AMT: variants seen among roughly 807,000 people sequenced by gnomAD.
The protein encoded by AMT is aminomethyltransferase, mitochondrial.
In AMT, 24 loss-of-function variants were observed where a neutral mutation model predicts 39.5. The observed-to-expected ratio is 0.61, with a 90% CI of 0.44 to 0.86. AMT has a LOEUF of 0.86. Ranked by LOEUF, AMT falls within the 40% of genes least tolerant of loss-of-function variation. AMT has a pLI of 0.00. For missense variants in AMT, 501 were observed against 537.0 expected, an observed-to-expected ratio of 0.93 and a Z score of 0.66; for synonymous variants, 210 against 212.1, an observed-to-expected ratio of 0.99 and a Z score of 0.09.
Position 49,420,295 on chromosome 3 carries a change from G to C in AMT, c.387C>G (p.Asp129Glu). 2 of 1,614,206 alleles carry C rather than the reference G, an allele frequency of 1.2e-6. No homozygotes were observed. The highest frequency in any genetic ancestry group is 1.7e-6 in the Non-Finnish European group (2 of 1,180,032). ...FTNEAGGILD[D>E]LIVTNTSEGH... ...CCTCAGAAGTATTGGTTACAATCAAGTCATCTAAGATGCCTCCAGCCTCGT... is the reference window on the plus strand; with the variant it reads ...CCTCAGAAGTATTGGTTACAATCAACTCATCTAAGATGCCTCCAGCCTCGT... Residue 129 changes from aspartate to glutamate, a missense_variant, in exon 4 of 9, where the codon GAC becomes GAG. Transcript: ENST00000273588.
At position 49,420,197 on chromosome 3, in the gene AMT, C is replaced by T. The variant is rs1314089936; in HGVS notation, c.471+14G>A. 6.2e-7 allele frequency: 1 copy of T among 1,614,056 alleles called. No homozygotes were observed. The highest frequency in any genetic ancestry group is 1.3e-5 in the African/African-American group (1 of 74,932). On this transcript the variant is annotated intron_variant, in intron 4 of 8. Coordinates refer to ENST00000273588, the MANE Select transcript of AMT (RefSeq NM_000481.4). ...CAAGGAAGACAAGGTGTCTAGAACA[C>T]AGAGGGGGTATACCTGCATGAGGGC...
In AMT at chr3:49,417,149, C is replaced by T. The variant is rs1207327657; in HGVS notation, c.*391G>A. On this transcript the variant is annotated 3_prime_UTR_variant, in exon 9 of 9. Coordinates refer to ENST00000273588, the MANE Select transcript of AMT (RefSeq NM_000481.4). ...GCACTGCCCATGTTATTACCCTTTG[C>T]AATGTGAAAAACCATGGTGAGGTAG... is the stretch of plus-strand genomic sequence containing the variant. The T allele has an allele frequency of 1.1e-6, 1 of 949,220 alleles. No homozygotes were observed. Among genetic ancestry groups the T allele is most frequent in the Non-Finnish European group, 1.6e-6 (1 of 611,326 alleles). 58.8% of individuals were successfully genotyped at this position (949,220 alleles called of 1,614,324 possible).
Position 49,419,703 on chromosome 3 carries a change from C to T in AMT, c.550+7G>A, listed in dbSNP as rs755478633. ...GGTTGGCTCCAACCCCAGCCCAGCC[C>T]TCTCACCTTGCAGAGCTAGCAGGGC... On this transcript the variant is annotated splice_region_variant and intron_variant, in intron 5 of 8. Coordinates refer to ENST00000273588, the MANE Select transcript of AMT (RefSeq NM_000481.4). The T allele has an allele frequency of 8.1e-6, 13 of 1,614,154 alleles. No homozygotes were observed. The highest frequency in any genetic ancestry group is 1.0e-5 in the Non-Finnish European group (12 of 1,179,974).
chr3:49,417,515 G>A lies in AMT; in HGVS notation c.*25C>T, dbSNP rs2049018162. On this transcript the variant is annotated 3_prime_UTR_variant, in exon 9 of 9. Transcript: ENST00000273588. ...CCTTGTAGGGGCAAAACTCCTGGAA[G>A]GGACAGCCCCACCCTGAGCCAGCTT... 6.2e-7 allele frequency: 1 copy of A among 1,614,180 alleles called. No homozygotes were observed. The highest frequency in any genetic ancestry group is 8.5e-7 in the Non-Finnish European group (1 of 1,180,032).
intron 7 of AMT, chr3:49,418,442 A>G (rs2107930241): frequency 4.8e-6 from 1 of 209,618 alleles, no homozygotes; most frequent in South Asian, 7.0e-5. Flanking sequence ...TGGCCTCCCA[A>G]AGTGCTGGGA....
chr3:49,419,074 C>T lies in AMT; in HGVS notation c.774G>A (p.Leu258=), dbSNP rs756652661. The T allele has an allele frequency of 6.2e-7, 1 of 1,614,154 alleles. No individual in the cohort carries two copies. Among genetic ancestry groups the T allele is most frequent in the East Asian group, 2.2e-5 (1 of 44,876 alleles). The stretch of plus-strand genomic sequence containing the variant: ...CCAGGCGCAGGCTGTCCCTGGCTGC[C>T]AGCCCTGCCAGCTTCACCTCTGGGT... ...LKNPEVKLAG[L]AARDSLRLEA... The change falls in exon 7 of 9, where the codon CTG becomes CTA. Residue 258 remains leucine, a synonymous_variant. Transcript: ENST00000273588.
chr3:49,419,018 A>G lies in AMT; in HGVS notation c.830T>C (p.Ile277Thr), dbSNP rs1052014497. The change falls in exon 7 of 9, where the codon ATT becomes ACT. Residue 277 changes from isoleucine to threonine, a missense_variant. Ile to Thr is a moderately conservative substitution (Grantham distance 89). Transcript: ENST00000273588. Reference protein sequence around the residue: ...EAGLCLYGNDIDEHTTPVEGS... With the variant: ...EAGLCLYGNDTDEHTTPVEGS... ...CTCCACAGGTGTAGTGTGTTCATCAATGTCATTCCCATACAGGCAGAGGCC... is the reference window on the plus strand; with the variant it reads ...CTCCACAGGTGTAGTGTGTTCATCAGTGTCATTCCCATACAGGCAGAGGCC... 6.2e-6 allele frequency: 10 copies of G among 1,613,744 alleles called. No individual in the cohort carries two copies. Among genetic ancestry groups the G allele is most frequent in the Admixed American group, 3.3e-5 (2 of 59,978 alleles).
At position 49,419,332 on chromosome 3, in the gene AMT, A is replaced by G; in HGVS notation, c.624T>C (p.Ala208=). 1 of 1,614,204 alleles carries G rather than the reference A, an allele frequency of 6.2e-7. No individual in the cohort carries two copies. Residue 208 remains alanine, a synonymous_variant, in exon 6 of 9, where the codon GCT becomes GCC. Transcript: ENST00000273588. ...CAGACACGCCAAACACCTCCATCAC[A>G]GCACTGGTCATGAAGGGCAGTTTCC... ...DLRKLPFMTS[A]VMEVFGVSGC...
At position 49,421,523 on chromosome 3, in the gene AMT, A is replaced by C; in HGVS notation, c.308T>G (p.Val103Gly). The change falls in exon 3 of 9, where the codon GTT becomes GGT. Residue 103 changes from valine to glycine, a missense_variant. Val to Gly is a moderately radical substitution (Grantham distance 109). Transcript: ENST00000273588. ...TGGTCTTAGCTCTGCAATGTCTCCA[A>C]CCACTAGACTCTCCATCAGCTTCAC... ...DRVKLMESLV[V>G]GDIAELRPNQ... is the part of the protein sequence containing the mutation. 6.2e-7 allele frequency: 1 copy of C among 1,614,152 alleles called. No individual in the cohort carries two copies. The highest frequency in any genetic ancestry group is 8.5e-7 in the Non-Finnish European group (1 of 1,180,028).
chr3:49,417,676 T>G lies in AMT; in HGVS notation c.1076A>C (p.Asn359Thr), dbSNP rs2107928652. ...SGCPSPSLKKNVAMGYVPCEY... is the reference protein window; with the variant it reads ...SGCPSPSLKKTVAMGYVPCEY... ...GCAGGGCACATAACCCATCGCCACA[T>G]TCTTCTTCAGAGAGGGGGAGGGGCA... Residue 359 changes from asparagine (N) to threonine (T), a missense_variant, in exon 9 of 9, where the codon AAT becomes ACT. By Grantham distance (65) the Asn-to-Thr change is moderately conservative. Transcript: ENST00000273588. 1 of 1,614,096 alleles carries G rather than the reference T, an allele frequency of 6.2e-7. No individual in the cohort carries two copies. The highest frequency in any genetic ancestry group is 1.1e-5 in the South Asian group (1 of 91,086).
chr3:49,419,594 T>C lies in AMT; in HGVS notation c.550+116A>G, dbSNP rs1372119101. ...GAGGGCAAGATACAAAACTTAAAAT[T>C]ATGGCACACAAATATCACACCTTCC... On this transcript the variant is annotated intron_variant, in intron 5 of 8. Transcript: ENST00000273588. The C allele has an allele frequency of 3.0e-5, 44 of 1,444,080 alleles. 1 individual carries two copies. The highest frequency in any genetic ancestry group is 4.0e-5 in the Non-Finnish European group (41 of 1,025,678). 89.5% of individuals were successfully genotyped at this position (1,444,080 alleles called of 1,614,324 possible). A position where few individuals can be genotyped will look rare whatever the true frequency, so the allele number is the denominator to read the frequency against.
rs755780814 is a variant in AMT, at chr3:49,417,898, C to T, written c.953G>A (p.Arg318Gln). ...IVPQLKGRVQ[R>Q]RRVGLMCEGA... ...CTCACACATCAACCCCACACGCCTC[C>T]GCTGCACCCTGCCCTTCAGCTGGGG... is the stretch of plus-strand genomic sequence containing the variant. The change falls in exon 8 of 9, where the codon CGG becomes CAG. Residue 318 changes from arginine (R) to glutamine (Q), a missense_variant. Coordinates refer to ENST00000273588, the MANE Select transcript of AMT (RefSeq NM_000481.4). 19 of 1,613,898 alleles carry T rather than the reference C, an allele frequency of 1.2e-5. No homozygotes were observed. The highest frequency in any genetic ancestry group is 4.0e-5 in the African/African-American group (3 of 74,902).
chr3:49,420,442 T>G (rs2049080858), intron 3 of AMT, 100 bp from the exon 4 acceptor site: 2 of 1,567,912 alleles, frequency 1.3e-6, no homozygotes, highest in African/African-American at 2.7e-5. Context: ...CAAAAGGTTA[T>G]GAACCCTAAT....
intron 1 of AMT, 33 bp downstream of exon 1, chr3:49,422,328 C>T (rs773793813): frequency 1.9e-6 from 3 of 1,613,912 alleles, no homozygotes; most frequent in East Asian, 2.2e-5. Flanking sequence ...GCTTCCCTCC[C>T]CCACCCTCCA....
chr3:49,416,873 C>T lies in AMT; in HGVS notation c.*667G>A, dbSNP rs969094894. ...AAGATCAGCCCAGGGTAAGGCAAGT[C>T]TGGGAGGAAGCCCACCCTGCCCTAC... is the stretch of plus-strand genomic sequence containing the variant. On this transcript the variant is annotated 3_prime_UTR_variant, in exon 9 of 9. Coordinates refer to ENST00000273588, the MANE Select transcript of AMT (RefSeq NM_000481.4). 1.5e-5 allele frequency: 7 copies of T among 457,080 alleles called. No individual in the cohort carries two copies. The highest frequency in any genetic ancestry group is 6.9e-4 in the Middle Eastern group (1 of 1,452). 28.3% of individuals were successfully genotyped at this position (457,080 alleles called of 1,614,324 possible).
chr3:49,422,317 C>G, intron 1 of AMT, 44 bp downstream of exon 1: 2 of 1,613,882 alleles, frequency 1.2e-6, no homozygotes. Context: ...AGCCCCCAGC[C>G]GCTTCCCTCC....
At chr3:49,421,625 G>C (rs1301327961) in intron 2 of AMT, 53 bp from the exon 3 acceptor site, 5 of 1,521,558 alleles carry the variant, frequency 3.3e-6, no homozygotes, top group Middle Eastern at 1.7e-4. Context: ...AATCCAAAAG[G>C]CTACTAAGCA....
chr3:49,417,958 G>T lies in AMT; in HGVS notation c.893C>A (p.Ala298Asp), dbSNP rs773415748. Residue 298 changes from alanine (A) to aspartate (D), a missense_variant, in exon 8 of 9, where the codon GCT (alanine) becomes GAT (aspartate). Ala to Asp is a moderately radical substitution (Grantham distance 126). Transcript: ENST00000273588. ...LSWTLGKRRR[A>D]AMDFPGAKVI... ...CTTGGCTCCAGGGAAGTCCATAGCA[G>T]CTCGGCGGCGCTTCCCTGGAGAATG... 1.9e-6 allele frequency: 3 copies of T among 1,611,782 alleles called. 1 individual carries two copies. Among genetic ancestry groups the T allele is most frequent in the Non-Finnish European group, 2.5e-6 (3 of 1,179,230 alleles).
intron 7 of AMT, chr3:49,418,555 G>A: frequency 5.4e-6 from 1 of 184,036 alleles, no homozygotes; most frequent in Admixed American, 6.0e-5. Flanking sequence ...GGCTGGAGGT[G>A]CAGTGGCGCA....
Sources: gnomAD v4.1 joint callset for allele counts on GRCh38, gnomAD v4.1.1 for gene constraint, MANE v1.5 for transcripts, NCBI Gene and HGNC (gene_info 2026-07-23, HGNC 2026-07-21) for gene names.